Variants in CAST observed in about 807,000 individuals in gnomAD.
CAST encodes the protein calpastatin.
CAST carries 76 observed loss-of-function variants against 119.6 expected under a neutral mutation model. That is an observed-to-expected ratio of 0.64 (90% confidence interval 0.53 to 0.77). The LOEUF (loss-of-function observed/expected upper bound fraction) is 0.77. Ranked by LOEUF, CAST falls within the 30% of genes least tolerant of loss-of-function variation. CAST has a pLI of 0.00. For missense variants in CAST, 953 were observed against 946.5 expected (o/e 1.01, Z -0.09); for synonymous variants, 319 against 331.6 (o/e 0.96, Z 0.41).
intron 1 of CAST, among the ~76,000 whole-genome samples, chr5:96,630,437 A>G (rs921560852): frequency 8.5e-5 from 13 of 152,226 alleles, no homozygotes; most frequent in African/African-American, 3.1e-4. Flanking sequence ...TTCTGAGCTA[A>G]GCATTAAAAT....
At chr5:96,337,259 C>A in the CAST span, among the ~76,000 whole-genome samples, 1 of 152,178 alleles carries the variant, frequency 6.6e-6, no homozygotes, top group East Asian at 1.9e-4. Context: ...AGCTCTGACC[C>A]AAACCCCTTT....
the CAST span, among the ~76,000 whole-genome samples, chr5:96,471,949 AC>A: frequency 6.6e-6 from 1 of 152,126 alleles, no homozygotes; most frequent in Admixed American, 6.6e-5. Context: ...AGAGTTATGT[AC>A]ATCTTCCAAC....
the CAST span, among the ~76,000 whole-genome samples, chr5:96,461,332 A>G: frequency 6.6e-6 from 1 of 152,146 alleles, no homozygotes; most frequent in Admixed American, 6.6e-5. Flanking sequence ...ATGTGTAGAC[A>G]AGTTTTTATC....
chr5:96,689,576 A>G (rs887378732), intron 2 of CAST, among the ~76,000 whole-genome samples: 4 of 152,244 alleles, frequency 2.6e-5, no homozygotes, highest in African/African-American at 9.6e-5. Flanking sequence ...ATGCAAATAC[A>G]TGTGTGCACA....
chr5:96,528,878 G>A (rs17086205), upstream of CAST, among the ~76,000 whole-genome samples: 1,719 of 152,266 alleles, frequency 0.011, 110 homozygotes, highest in Admixed American at 0.095. Flanking sequence ...TTCTCAAGTC[G>A]TATTTCTCTG....
At chr5:96,393,334 G>A in the CAST span, 1 of 1,614,084 alleles carries the variant, frequency 6.2e-7, no homozygotes, top group Non-Finnish European at 8.5e-7. Flanking sequence ...TGGGGCTTTT[G>A]GACACCAGGG....
chr5:96,706,205 A>G (rs371626053), intron 3 of CAST, among the ~76,000 whole-genome samples: 2 of 152,372 alleles, frequency 1.3e-5, no homozygotes, highest in South Asian at 2.1e-4. Context: ...TTTATTCTCT[A>G]GGATTTACAA....
intron 1 of CAST, among the ~76,000 whole-genome samples, chr5:96,617,336 G>A (rs1417513579): frequency 6.6e-6 from 1 of 151,936 alleles, no homozygotes; most frequent in African/African-American, 2.4e-5. Flanking sequence ...CAAAAATGGC[G>A]ATTATTTGGG....
At chr5:96,233,143 T>G in the CAST span, among the ~76,000 whole-genome samples, 1 of 152,056 alleles carries the variant, frequency 6.6e-6, no homozygotes, top group Non-Finnish European at 1.5e-5. Flanking sequence ...AACCAAAATA[T>G]TCAATGTAAA....
intron 8 of CAST, 76 bp downstream of exon 8, chr5:96,729,801 G>T (rs1760079156): frequency 4.1e-6 from 3 of 740,162 alleles, no homozygotes; most frequent in Non-Finnish European, 7.5e-6. Context: ...TCACACTGAG[G>T]TGTGTAGTTC....
At chr5:96,128,791 T>C in the CAST span, among the ~76,000 whole-genome samples, 1 of 152,040 alleles carries the variant, frequency 6.6e-6, no homozygotes, top group Admixed American at 6.6e-5. Flanking sequence ...CAGTAGAACT[T>C]GGTTTAAATG....
the CAST span, among the ~76,000 whole-genome samples, chr5:96,107,830 T>G: frequency 6.6e-6 from 1 of 152,010 alleles, no homozygotes; most frequent in Non-Finnish European, 1.5e-5. Flanking sequence ...TTCCAACTTG[T>G]TTCCATTCTC....
At chr5:96,243,008 ACTC>A in the CAST span, among the ~76,000 whole-genome samples, 1 of 152,116 alleles carries the variant, frequency 6.6e-6, no homozygotes, top group African/African-American at 2.4e-5. Flanking sequence ...AACTGGGACT[ACTC>A]TATAAATACG....
chr5:96,474,909 C>T, the CAST span, among the ~76,000 whole-genome samples: 372 of 152,234 alleles, frequency 2.4e-3, 4 homozygotes, highest in Admixed American at 3.7e-3. Flanking sequence ...GCCAGACTGC[C>T]TTATGGAAAG....
chr5:96,736,077 T>C, intron 9 of CAST, 95 bp from the exon 10 acceptor site: 1 of 747,966 alleles, frequency 1.3e-6, no homozygotes, highest in Non-Finnish European at 2.2e-6. Context: ...GTATGATCAA[T>C]GCTTGTTAAT....
intron 1 of CAST, among the ~76,000 whole-genome samples, chr5:96,588,158 T>C (rs1186663383): frequency 6.6e-6 from 1 of 150,798 alleles, no homozygotes; most frequent in Non-Finnish European, 1.5e-5. Context: ...TTATAAGCCA[T>C]GTTAAATTCA....
chr5:96,743,549 T>C (rs1763118291), intron 16 of CAST: 4 of 1,548,538 alleles, frequency 2.6e-6, no homozygotes, highest in Non-Finnish European at 3.5e-6. Flanking sequence ...TGTCACTTCC[T>C]GTTCTGAGTC....
At chr5:96,325,878 T>A in the CAST span, among the ~76,000 whole-genome samples, 118 of 152,256 alleles carry the variant, frequency 7.8e-4, no homozygotes, top group Admixed American at 2.4e-3. Context: ...ATGGGTAGAT[T>A]TCTGTTTTGG....
chr5:96,716,119 T>C (rs369339859), intron 3 of CAST, among the ~76,000 whole-genome samples: 1 of 152,206 alleles, frequency 6.6e-6, no homozygotes, highest in African/African-American at 2.4e-5. Flanking sequence ...AAGTGAATAA[T>C]CCATCATTAC....
Sources: allele counts gnomAD v4.1 joint callset (sites outside exome capture counted in the v4.1 genomes callset), GRCh38; gene constraint gnomAD v4.1.1; transcripts MANE v1.5; gene names NCBI Gene and HGNC (gene_info 2026-07-23, HGNC 2026-07-21).